TCF4: variants seen among roughly 807,000 people sequenced by gnomAD.
TCF4 encodes SL3-3 enhancer factor 2.
A neutral mutation model predicts 82.1 loss-of-function variants in TCF4; 3 were observed. The observed-to-expected ratio is 0.04, with a 90% CI of 0.02 to 0.09. The LOEUF is 0.09. TCF4 is among the 10% of genes least tolerant of loss of function. The pLI is 1.00. For synonymous variants in TCF4, 276 were observed against 309.6 expected (o/e 0.89, Z 1.14); for missense variants, 518 against 852.7 (o/e 0.61, Z 4.89).
intron 11 of TCF4, among the ~76,000 whole-genome samples, chr18:55,261,838 A>G (rs191622702): frequency 6.6e-6 from 1 of 152,348 alleles, no homozygotes; most frequent in Admixed American, 6.5e-5. Context: ...GCTGACAAGT[A>G]TAGACTACTT....
chr18:55,635,695 G>A, intron 1 of TCF4: 2 of 1,546,662 alleles, frequency 1.3e-6, no homozygotes, highest in Non-Finnish European at 1.7e-6. Flanking sequence ...CCAAATGCTG[G>A]TTCCTACCTC....
intron 3 of TCF4, among the ~76,000 whole-genome samples, chr18:55,510,222 T>G (rs1428051399): frequency 2.0e-5 from 3 of 152,146 alleles, no homozygotes; most frequent in Non-Finnish European, 2.9e-5. Flanking sequence ...GCGCTCAGTC[T>G]GCCCCTTAGA....
intron 5 of TCF4, among the ~76,000 whole-genome samples, chr18:55,405,010 A>G (rs2094014052): frequency 6.6e-6 from 1 of 152,246 alleles, no homozygotes; most frequent in Non-Finnish European, 1.5e-5. Flanking sequence ...ACAAGACACC[A>G]TCGCACAGAC....
At chr18:55,340,372 T>C (rs765096746) in intron 8 of TCF4, among the ~76,000 whole-genome samples, 1 of 151,630 alleles carries the variant, frequency 6.6e-6, no homozygotes, top group Non-Finnish European at 1.5e-5. Context: ...TTGATAGAGA[T>C]GGGTTTGCAG....
chr18:55,468,881 G>C (rs1027732468), intron 3 of TCF4, among the ~76,000 whole-genome samples: 14 of 106,194 alleles, frequency 1.3e-4, no homozygotes, highest in East Asian at 3.4e-4. Flanking sequence ...TTTAGTTCTC[G>C]CCCCCCCCCC....
intron 8 of TCF4, among the ~76,000 whole-genome samples, chr18:55,282,764 G>A (rs1302705402): frequency 6.6e-6 from 1 of 151,976 alleles, no homozygotes. Context: ...CCAAATTCTA[G>A]TACCATGTAC....
chr18:55,509,618 T>A (rs1322558570), intron 3 of TCF4, among the ~76,000 whole-genome samples: 1 of 152,204 alleles, frequency 6.6e-6, no homozygotes, highest in Non-Finnish European at 1.5e-5. Context: ...AGTGGCTTAA[T>A]GTGACATCCA....
At chr18:55,437,028 G>A (rs1348965301) in intron 5 of TCF4, among the ~76,000 whole-genome samples, 2 of 152,230 alleles carry the variant, frequency 1.3e-5, no homozygotes, top group Non-Finnish European at 1.5e-5. Context: ...CAATATTGAA[G>A]CTAATTTCTT....
intron 3 of TCF4, among the ~76,000 whole-genome samples, chr18:55,549,937 T>A (rs1032531888): frequency 3.3e-5 from 5 of 152,188 alleles, no homozygotes; most frequent in Admixed American, 2.6e-4. Flanking sequence ...TATATACAGA[T>A]AATATCAAGT....
At chr18:55,342,826 TC>T (rs2080289590) in intron 8 of TCF4, among the ~76,000 whole-genome samples, 1 of 152,138 alleles carries the variant, frequency 6.6e-6, no homozygotes, top group Admixed American at 6.6e-5. Context: ...AACCCAATTC[TC>T]CAAACAGGGT....
intron 6 of TCF4, among the ~76,000 whole-genome samples, chr18:55,361,860 G>C (rs973301271): frequency 6.6e-6 from 1 of 152,190 alleles, no homozygotes; most frequent in Admixed American, 6.5e-5. Flanking sequence ...CCCTCAAGGA[G>C]GGGATTCTAC....
chr18:55,238,378 G>A (rs190063675), intron 15 of TCF4, among the ~76,000 whole-genome samples: 1 of 152,196 alleles, frequency 6.6e-6, no homozygotes, highest in African/African-American at 2.4e-5. Context: ...TTCATTGATT[G>A]ATCAGAGAAT....
chr18:55,514,447 C>CA (rs2096860980), intron 3 of TCF4, among the ~76,000 whole-genome samples: 3 of 145,368 alleles, frequency 2.1e-5, no homozygotes, highest in Admixed American at 6.8e-5. Flanking sequence ...ACACACACAC[C>CA]CCAATCATAC....
At chr18:55,587,024 G>C (rs1336235561) in intron 2 of TCF4, 21 bp downstream of exon 2, 23 of 1,609,060 alleles carry the variant, frequency 1.4e-5, no homozygotes, top group Non-Finnish European at 2.0e-5. Flanking sequence ...GCTGTTGTTA[G>C]TTTCCACCGT....
intron 8 of TCF4, among the ~76,000 whole-genome samples, chr18:55,305,158 TGTC>T (rs1246151500): frequency 1.3e-5 from 2 of 152,238 alleles, no homozygotes; most frequent in Non-Finnish European, 2.9e-5. Context: ...TAAATGGAAT[TGTC>T]GTCTTCCTCC....
At chr18:55,438,956 C>T (rs2095386258) in intron 5 of TCF4, among the ~76,000 whole-genome samples, 1 of 152,142 alleles carries the variant, frequency 6.6e-6, no homozygotes, top group African/African-American at 2.4e-5. Flanking sequence ...TTTAGTAAGC[C>T]CAGTTTTGCT....
intron 6 of TCF4, among the ~76,000 whole-genome samples, chr18:55,365,191 A>ATATATATATATATATGTGTG (rs1361444592): frequency 2.2e-4 from 22 of 97,930 alleles, no homozygotes; most frequent in African/African-American, 1.1e-3. Context: ...ATATATATAT[A>ATATATATATATATATGTGTG]TGTGTGTGTG....
At chr18:55,425,742 T>C (rs549019575) in intron 5 of TCF4, among the ~76,000 whole-genome samples, 1 of 152,172 alleles carries the variant, frequency 6.6e-6, no homozygotes, top group African/African-American at 2.4e-5. Flanking sequence ...TAGCTCAAGA[T>C]CAAAGGAACT....
intron 2 of TCF4, among the ~76,000 whole-genome samples, chr18:55,630,169 GAACT>G (rs1342125556): frequency 1.4e-4 from 22 of 152,180 alleles, no homozygotes; most frequent in Middle Eastern, 3.4e-3. Context: ...TGAAAATAAT[GAACT>G]AACATCTCTG....
Sources: allele counts gnomAD v4.1 joint callset (sites outside exome capture counted in the v4.1 genomes callset), GRCh38; gene constraint gnomAD v4.1.1; transcripts MANE v1.5; gene names NCBI Gene and HGNC (gene_info 2026-07-23, HGNC 2026-07-21).